NANOGNB: variants seen among roughly 807,000 people sequenced by gnomAD.
The protein encoded by NANOGNB is NANOG neighbor homeobox.
NANOGNB carries 30 observed loss-of-function variants against 25.0 expected under a neutral mutation model. That is an observed-to-expected ratio of 1.20 (90% confidence interval 0.90 to 1.63). NANOGNB has a LOEUF of 1.63. NANOGNB is among the 40% of genes most tolerant of loss of function. The probability of loss-of-function intolerance (pLI) is 0.00; values close to 1 mark genes in which losing one functional copy is unlikely to be tolerated. For missense variants in NANOGNB, 200 were observed against 188.1 expected, an observed-to-expected ratio of 1.06 and a Z score of -0.37; for synonymous variants, 84 against 62.1, an observed-to-expected ratio of 1.35 and a Z score of -1.66.
Position 7,770,289 on chromosome 12 carries a change from T to C in NANOGNB, c.409T>C (p.Phe137Leu), listed in dbSNP as rs1865281379. The change falls in exon 2 of 4, where the codon TTT (phenylalanine) becomes CTT (leucine). Residue 137 changes from phenylalanine to leucine, a missense_variant. By Grantham distance (22) the Phe-to-Leu change is conservative (BLOSUM62 0). Transcript: ENST00000382119. ...PTIQESLSLS[F>L]EFDMTHKQIS... Reference sequence around the variant, plus strand: ...TATACAAGAGAGTCTATCACTGTCATTTGAATTTGACATGACACATAAACA... The same window carrying C: ...TATACAAGAGAGTCTATCACTGTCACTTGAATTTGACATGACACATAAACA... 1 of 1,531,478 alleles carries C rather than the reference T, an allele frequency of 6.5e-7. No homozygotes were observed. The highest frequency in any genetic ancestry group is 8.8e-7 in the Non-Finnish European group (1 of 1,141,062). 94.9% of individuals were successfully genotyped at this position (1,531,478 alleles called of 1,614,324 possible).
chr12:7,765,456 G>C, intron 1 of NANOGNB, 69 bp downstream of exon 1: 1 of 311,834 alleles, frequency 3.2e-6, no homozygotes, highest in Non-Finnish European at 6.2e-6. Flanking sequence ...TGTAGTCCTA[G>C]CTACTCTGGA....
chr12:7,768,435 G>T (rs1865263595), intron 1 of NANOGNB, among the ~76,000 whole-genome samples: 1 of 151,904 alleles, frequency 6.6e-6, no homozygotes, highest in Non-Finnish European at 1.5e-5. Context: ...CAGTGTGATG[G>T]TCTTTAATGT....
intron 1 of NANOGNB, 108 bp downstream of exon 1, chr12:7,765,495 G>T (rs1020374596): frequency 8.7e-6 from 2 of 230,686 alleles, no homozygotes; most frequent in Non-Finnish European, 1.8e-5. Context: ...GCGTGAACCC[G>T]GGAGGCGGAG....
chr12:7,770,295 T>G lies in NANOGNB; in HGVS notation c.415T>G (p.Phe139Val), dbSNP rs756756506. Residue 139 changes from phenylalanine (F) to valine (V), a missense_variant, in exon 2 of 4, where the codon TTT (phenylalanine) becomes GTT (valine). Coordinates refer to ENST00000382119, the MANE Select transcript of NANOGNB (RefSeq NM_001145465.1). ...IQESLSLSFEFDMTHKQISQW... is the reference protein window; with the variant it reads ...IQESLSLSFEVDMTHKQISQW... The stretch of plus-strand genomic sequence containing the variant: ...AGAGAGTCTATCACTGTCATTTGAA[T>G]TTGACATGACACATAAACAGGTATG... 1.4e-5 allele frequency: 22 copies of G among 1,530,674 alleles called. No homozygotes were observed. The African/African-American group carries it at 2.4e-4, about 17-fold the overall frequency. 94.8% of individuals were successfully genotyped at this position (1,530,674 alleles called of 1,614,324 possible). A position where few individuals can be genotyped will look rare whatever the true frequency, so the allele number is the denominator to read the frequency against.
At chr12:7,766,018 C>T (rs958741471) in intron 1 of NANOGNB, 17 of 397,226 alleles carry the variant, frequency 4.3e-5, no homozygotes, top group Non-Finnish European at 6.2e-5. Flanking sequence ...GGACAGAAAT[C>T]AGTAGGGGAA....
intron 1 of NANOGNB, among the ~76,000 whole-genome samples, chr12:7,767,640 C>T (rs1377203315): frequency 6.6e-6 from 1 of 152,088 alleles, no homozygotes. Context: ...CTGATAATCA[C>T]TAATTTACTT....
chr12:7,768,522 T>C (rs1262881152), intron 1 of NANOGNB, among the ~76,000 whole-genome samples: 4 of 151,596 alleles, frequency 2.6e-5, no homozygotes, highest in Non-Finnish European at 5.9e-5. Flanking sequence ...TTTCTTTCTT[T>C]CTTTTTTTTT....
At chr12:7,765,633 G>C (rs901540935) in intron 1 of NANOGNB, among the ~76,000 whole-genome samples, 1 of 146,454 alleles carries the variant, frequency 6.8e-6, no homozygotes, top group African/African-American at 2.5e-5. Flanking sequence ...AGAAAAGCAA[G>C]ACTTTCTGAC....
At chr12:7,766,187 C>T (rs1200771839) in intron 1 of NANOGNB, 1 of 398,576 alleles carries the variant, frequency 2.5e-6, no homozygotes, top group Non-Finnish European at 4.4e-6. Context: ...AAGATGGGGA[C>T]AGGCCAGGCA....
intron 3 of NANOGNB, 24 bp downstream of exon 3, chr12:7,770,542 T>G (rs1865283971): frequency 7.3e-7 from 1 of 1,364,224 alleles, no homozygotes; most frequent in Non-Finnish European, 1.0e-6. Context: ...TCTTGTAAAA[T>G]AAAAGGAAGT....
intron 1 of NANOGNB, among the ~76,000 whole-genome samples, chr12:7,767,112 A>C (rs1305624584): frequency 6.6e-6 from 1 of 152,142 alleles, no homozygotes; most frequent in Non-Finnish European, 1.5e-5. Flanking sequence ...AAATGCTGGG[A>C]TTACAGGCGG....
At chr12:7,770,560 A>G (rs772217936) in intron 3 of NANOGNB, 42 bp downstream of exon 3, 34 of 1,250,572 alleles carry the variant, frequency 2.7e-5, no homozygotes, top group Non-Finnish European at 3.7e-5. Context: ...AGTAGAAGGA[A>G]TATATTGACT....
chr12:7,769,891 C>G, intron 1 of NANOGNB, 92 bp from the exon 2 acceptor site: 3 of 981,626 alleles, frequency 3.1e-6, no homozygotes, highest in South Asian at 1.8e-5. Context: ...TTAGAAAAAT[C>G]AAATATATTC....
chr12:7,768,779 G>A (rs1293289920), intron 1 of NANOGNB, among the ~76,000 whole-genome samples: 2 of 152,094 alleles, frequency 1.3e-5, no homozygotes, highest in African/African-American at 2.4e-5. Context: ...TGATCTGCCC[G>A]CCTCAGCCTC....
intron 1 of NANOGNB, among the ~76,000 whole-genome samples, chr12:7,768,619 G>A (rs1390730551): frequency 1.3e-5 from 2 of 151,858 alleles, no homozygotes; most frequent in East Asian, 1.9e-4. Context: ...TGCAAGCTCC[G>A]CCTCCCTGGT....
intron 1 of NANOGNB, among the ~76,000 whole-genome samples, chr12:7,769,486 C>T (rs1263499576): frequency 1.3e-5 from 2 of 152,114 alleles, no homozygotes; most frequent in East Asian, 3.9e-4. Flanking sequence ...CCACACCCAG[C>T]TAATTTTTGT....
At chr12:7,766,331 G>C (rs1367861429) in intron 1 of NANOGNB, among the ~76,000 whole-genome samples, 1 of 152,030 alleles carries the variant, frequency 6.6e-6, no homozygotes, top group Non-Finnish European at 1.5e-5. Flanking sequence ...CAATTAGCCG[G>C]GCTTGGTGAG....
rs769053712 is a variant in NANOGNB at position 7,770,107 on chromosome 12, A to C, written c.227A>C (p.Glu76Ala). 1 of 1,542,594 alleles carries C rather than the reference A, an allele frequency of 6.5e-7. No individual in the cohort carries two copies. The highest frequency in any genetic ancestry group is 1.4e-5 in the African/African-American group (1 of 72,832). ...EGEAGRKRER[E>A]KEEKNEKELQ... ...GAAGCAGGCAGAAAGAGAGAACGAG[A>C]AAAAGAAGAAAAAAACGAAAAGGAG... Residue 76 changes from glutamate to alanine, a missense_variant, in exon 2 of 4, where the codon GAA (glutamate) becomes GCA (alanine). By Grantham distance (107) the Glu-to-Ala change is moderately radical (BLOSUM62 -1). Coordinates refer to ENST00000382119, the MANE Select transcript of NANOGNB (RefSeq NM_001145465.1).
rs1258791968 is a variant in NANOGNB, at chr12:7,765,385, A to C, written c.100A>C (p.Lys34Gln). The C allele has an allele frequency of 2.2e-6, 1 of 460,762 alleles. No homozygotes were observed. The highest frequency in any genetic ancestry group is 2.1e-5 in the African/African-American group (1 of 47,644). The allele number at this position is 460,762 out of a possible 1,614,324, so 28.5% of individuals were successfully genotyped here. Reference sequence around the variant, plus strand: ...GGAAATCGAGACCATCTTGGCTAACAAGGTAAAACCCCGTTTCTACTAAAA... The same window carrying C: ...GGAAATCGAGACCATCTTGGCTAACCAGGTAAAACCCCGTTTCTACTAAAA... ...GQEIETILAN[K>Q]KQSAMPWDQD... The change falls in exon 1 of 4, where the codon AAG (lysine) becomes CAG (glutamine). Residue 34 changes from lysine (K) to glutamine (Q), a missense_variant and splice_region_variant. Physicochemically the swap from Lys to Gln is moderately conservative, Grantham distance 53. Transcript: ENST00000382119.
Sources: gnomAD v4.1 joint callset for allele counts (sites outside exome capture counted in the v4.1 genomes callset) on GRCh38, gnomAD v4.1.1 for gene constraint, MANE v1.5 for transcripts, NCBI Gene and HGNC (gene_info 2026-07-23, HGNC 2026-07-21) for gene names.